TFEC: variants seen among roughly 807,000 people sequenced by gnomAD.
TFEC encodes the protein class E basic helix-loop-helix protein 34.
In TFEC, 31 loss-of-function variants were observed where a neutral mutation model predicts 41.6. The observed-to-expected ratio is 0.74, with a 90% CI of 0.56 to 1.01. The LOEUF is 1.01. Ranked by LOEUF, TFEC falls within the 50% of genes least tolerant of loss-of-function variation. TFEC has a pLI of 0.00. For missense variants in TFEC, 402 were observed against 404.1 expected (o/e 0.99, Z 0.04); for synonymous variants, 143 against 140.6 (o/e 1.02, Z -0.12).
intron 1 of TFEC, among the ~76,000 whole-genome samples, chr7:116,005,451 A>G (rs986109078): frequency 6.6e-6 from 1 of 152,202 alleles, no homozygotes; most frequent in African/African-American, 2.4e-5. Flanking sequence ...ATGTTTTAGC[A>G]AAGAGACTGG....
chr7:115,935,788 C>A lies in TFEC; in HGVS notation c.*4763G>T, dbSNP rs2130104915. The A allele has an allele frequency of 6.6e-6, 1 of 151,592 alleles. No individual in the cohort carries two copies. The highest frequency in any genetic ancestry group is 6.6e-5 in the Admixed American group (1 of 15,198). The allele number at this position is 151,592 out of a possible 1,614,324, so 9.4% of individuals were successfully genotyped here. Reference sequence around the variant, plus strand: ...AAACACAAAAGTCTTTACTGTTATTCTTTATGCCTGTTGGATAATGTAAGA... The same window carrying A: ...AAACACAAAAGTCTTTACTGTTATTATTTATGCCTGTTGGATAATGTAAGA... On this transcript the variant is annotated 3_prime_UTR_variant, in exon 8 of 8. Coordinates refer to ENST00000265440, the MANE Select transcript of TFEC (RefSeq NM_012252.4).
intron 1 of TFEC, among the ~76,000 whole-genome samples, chr7:116,002,181 C>A (rs181375304): frequency 1.3e-5 from 2 of 152,230 alleles, no homozygotes; most frequent in Non-Finnish European, 2.9e-5. Flanking sequence ...AAGGTATATA[C>A]CCAAAAGAAA....
rs1167346063 is a variant in TFEC at position 115,994,894 on chromosome 7, A to G, written c.-72-10381T>C. Reference sequence around the variant, plus strand: ...ATCATGCCGCTATAAAGACACATGCACACGTATGTTTATTGCGGCACTATT... The same window carrying G: ...ATCATGCCGCTATAAAGACACATGCGCACGTATGTTTATTGCGGCACTATT... On this transcript the variant is annotated intron_variant, in intron 1 of 7. Transcript: ENST00000265440. Among the ~76,000 whole-genome samples the G allele has an allele frequency of 2.0e-5, 3 of 152,162 alleles. No homozygotes were observed. The East Asian group carries it at 5.8e-4, about 29-fold the overall frequency.
At chr7:115,987,305 G>C (rs953549580) in intron 1 of TFEC, among the ~76,000 whole-genome samples, 5 of 152,104 alleles carry the variant, frequency 3.3e-5, no homozygotes, top group African/African-American at 7.2e-5. Context: ...TACTAACCAT[G>C]AACTAATATC....
At chr7:116,084,165 C>A (rs1306234148) in intron 3 of TFEC, among the ~76,000 whole-genome samples, 2 of 151,908 alleles carry the variant, frequency 1.3e-5, no homozygotes, top group Non-Finnish European at 2.9e-5. Flanking sequence ...GCCCAGCCAC[C>A]TTGTATTATG....
intron 1 of TFEC, among the ~76,000 whole-genome samples, chr7:116,112,746 C>T (rs561764097): frequency 6.6e-6 from 1 of 151,916 alleles, no homozygotes; most frequent in South Asian, 2.1e-4. Flanking sequence ...ACCATTAAAA[C>T]AAAATTGAAG....
intron 3 of TFEC, among the ~76,000 whole-genome samples, chr7:116,069,820 T>C (rs1261302205): frequency 6.6e-6 from 1 of 151,636 alleles, no homozygotes. Context: ...TACTGATTAA[T>C]TTTTAAATAC....
intron 3 of TFEC, among the ~76,000 whole-genome samples, chr7:116,079,706 C>G (rs1027483514): frequency 1.3e-5 from 2 of 152,084 alleles, no homozygotes; most frequent in Non-Finnish European, 2.9e-5. Context: ...GAAACACATC[C>G]CAGATGCATG....
intron 1 of TFEC, among the ~76,000 whole-genome samples, chr7:116,025,001 G>T (rs1240947239): frequency 1.3e-5 from 2 of 152,068 alleles, no homozygotes; most frequent in East Asian, 3.9e-4. Context: ...ATCTCACTAA[G>T]TGTGGTCCAT....
At chr7:116,057,482 A>C (rs1395448098) in intron 3 of TFEC, among the ~76,000 whole-genome samples, 1 of 151,974 alleles carries the variant, frequency 6.6e-6, no homozygotes, top group African/African-American at 2.4e-5. Context: ...AATCGGAAAG[A>C]ATTCATCACC....
intron 3 of TFEC, among the ~76,000 whole-genome samples, chr7:115,961,457 ATTC>A (rs1305218168): frequency 6.6e-6 from 1 of 151,644 alleles, no homozygotes; most frequent in Non-Finnish European, 1.5e-5. Flanking sequence ...ATAAAAATAG[ATTC>A]ATTTTTGAAT....
chr7:116,045,037 T>C (rs887377767), intron 3 of TFEC, among the ~76,000 whole-genome samples: 2 of 152,142 alleles, frequency 1.3e-5, no homozygotes, highest in Admixed American at 6.5e-5. Flanking sequence ...GAGTGGGGCA[T>C]TGCTGAAAAG....
chr7:116,003,813 A>G (rs560470973), intron 1 of TFEC, among the ~76,000 whole-genome samples: 3 of 152,276 alleles, frequency 2.0e-5, no homozygotes, highest in Admixed American at 1.3e-4. Flanking sequence ...TTAAGCTACA[A>G]ATCAATAACA....
At chr7:116,107,423 T>G (rs2116043211) in intron 3 of TFEC, among the ~76,000 whole-genome samples, 1 of 152,318 alleles carries the variant, frequency 6.6e-6, no homozygotes, top group Non-Finnish European at 1.5e-5. Context: ...ACACTGGAGC[T>G]GAATAACATT....
At chr7:116,086,472 C>T (rs1003806506) in intron 3 of TFEC, among the ~76,000 whole-genome samples, 1 of 151,862 alleles carries the variant, frequency 6.6e-6, no homozygotes, top group Non-Finnish European at 1.5e-5. Context: ...GCATAAAGAT[C>T]AAATCAGGAT....
intron 1 of TFEC, among the ~76,000 whole-genome samples, chr7:116,022,463 A>G (rs1329118511): frequency 6.6e-6 from 1 of 152,214 alleles, no homozygotes; most frequent in Non-Finnish European, 1.5e-5. Flanking sequence ...CTGACAAGCT[A>G]TATGCCTTGG....
At chr7:115,956,289 C>A (rs1440474239) in intron 4 of TFEC, among the ~76,000 whole-genome samples, 21 of 151,736 alleles carry the variant, frequency 1.4e-4, no homozygotes, top group Non-Finnish European at 8.8e-5. Context: ...ATTCTGCATA[C>A]AAAGAATAGA....
rs555345278 is a variant in TFEC at position 115,941,686 on chromosome 7, C to T, written c.663+207G>A. 7.9e-5 allele frequency: 47 copies of T among 592,662 alleles called. No homozygotes were observed. In the Middle Eastern group the frequency reaches 1.3e-3, roughly 17 times the overall value. The allele number at this position is 592,662 out of a possible 1,614,324, so 36.7% of individuals were successfully genotyped here. On this transcript the variant is annotated intron_variant, in intron 7 of 7. Transcript: ENST00000265440. ...GTGTATATACATATATACATATATA[C>T]ATATTCAGCCATCTTGATCCTGGAT...
intron 1 of TFEC, among the ~76,000 whole-genome samples, chr7:116,153,805 C>T (rs1325060925): frequency 6.6e-6 from 1 of 151,950 alleles, no homozygotes; most frequent in Non-Finnish European, 1.5e-5. Context: ...AAAGAAACAG[C>T]AACAGAAATT....
Sources: allele counts gnomAD v4.1 joint callset (sites outside exome capture counted in the v4.1 genomes callset), GRCh38; gene constraint gnomAD v4.1.1; transcripts MANE v1.5; gene names NCBI Gene and HGNC (gene_info 2026-07-23, HGNC 2026-07-21).